Variants in C5 observed in about 807,000 individuals in gnomAD.
C5 encodes C3 and PZP-like alpha-2-macroglobulin domain-containing protein 4.
In C5, 140 loss-of-function variants were observed where a neutral mutation model predicts 218.8. That is an observed-to-expected ratio of 0.64 (90% CI 0.56 to 0.74). C5 has a LOEUF of 0.74. C5 is among the 30% of genes least tolerant of loss of function. The pLI, the probability that C5 is intolerant of heterozygous loss-of-function variation, is 0.00. For synonymous variants in C5, 614 were observed against 682.3 expected (o/e 0.90, Z 1.56); for missense variants, 1,700 against 1,969.6 (o/e 0.86, Z 2.59).
chr9:121,024,010 C>T (rs867256557), intron 9 of C5, among the ~76,000 whole-genome samples: 2 of 150,530 alleles, frequency 1.3e-5, no homozygotes, highest in African/African-American at 4.9e-5. Context: ...GAGTTCGAGA[C>T]CAGCCGGGCC....
intron 22 of C5, among the ~76,000 whole-genome samples, chr9:120,993,931 A>G (rs140140274): frequency 6.6e-6 from 1 of 152,288 alleles, no homozygotes; most frequent in Non-Finnish European, 1.5e-5. Flanking sequence ...GAAAAAATAA[A>G]ACGAGAGGGG....
chr9:121,006,982 A>AAC lies in C5; in HGVS notation c.2349-6_2349-5insGT. 6.2e-7 allele frequency: 1 copy of AAC among 1,603,092 alleles called. No individual in the cohort carries two copies. Among genetic ancestry groups the AAC allele is most frequent in the Non-Finnish European group, 8.5e-7 (1 of 1,169,968 alleles). ...AGGGCAAACTGCAACTGTTTTCTGG[A>AAC]AGTTAAAATGTTGATATTCAAATAC... On this transcript the variant is annotated splice_polypyrimidine_tract_variant and splice_region_variant and intron_variant, in intron 18 of 40. Transcript: ENST00000223642.
intron 4 of C5, among the ~76,000 whole-genome samples, chr9:121,035,936 G>A (rs568766572): frequency 6.6e-6 from 1 of 151,974 alleles, no homozygotes; most frequent in African/African-American, 2.4e-5. Context: ...TGTAGTCCTA[G>A]CTACTCAGGA....
chr9:121,027,839 C>G (rs911679116), intron 7 of C5, among the ~76,000 whole-genome samples: 19 of 152,224 alleles, frequency 1.2e-4, no homozygotes, highest in African/African-American at 4.3e-4. Context: ...CCAAAATTGA[C>G]AAATGGGATC....
chr9:120,976,930 T>A, intron 28 of C5, 25 bp from the exon 29 acceptor site: 2 of 1,569,382 alleles, frequency 1.3e-6, no homozygotes, highest in Non-Finnish European at 1.8e-6. Context: ...ATTCCATTCA[T>A]TAATATGATT....
At chr9:121,023,998 G>T (rs1187164813) in intron 9 of C5, among the ~76,000 whole-genome samples, 1 of 150,704 alleles carries the variant, frequency 6.6e-6, no homozygotes, top group Non-Finnish European at 1.5e-5. Context: ...AACCCTGAAA[G>T]GGAGTTCGAG....
In C5 at chr9:121,006,069, A is replaced by C; in HGVS notation, c.2423-11T>G. ...CAGCAACACATATACCTTCAGCCCA[A>C]AGTGGAAGCAAAGTAGAATCATATT... On this transcript the variant is annotated splice_polypyrimidine_tract_variant and intron_variant, in intron 19 of 40. Coordinates refer to ENST00000223642, the MANE Select transcript of C5 (RefSeq NM_001735.3). 6.2e-7 allele frequency: 1 copy of C among 1,613,278 alleles called. No homozygotes were observed. The highest frequency in any genetic ancestry group is 1.1e-5 in the South Asian group (1 of 91,046).
chr9:120,987,366 C>G (rs1344462539), intron 25 of C5, among the ~76,000 whole-genome samples: 1 of 151,966 alleles, frequency 6.6e-6, no homozygotes, highest in Non-Finnish European at 1.5e-5. Context: ...AAAAACTGGC[C>G]AGGCGCAGTG....
At chr9:121,041,181 T>G (rs2047575929) in intron 3 of C5, among the ~76,000 whole-genome samples, 1 of 150,760 alleles carries the variant, frequency 6.6e-6, no homozygotes, top group Non-Finnish European at 1.5e-5. Context: ...TGACCTCAAG[T>G]GATCCACCCG....
intron 4 of C5, 59 bp downstream of exon 4, chr9:121,037,822 A>G: frequency 1.3e-6 from 1 of 773,370 alleles, no homozygotes; most frequent in South Asian, 1.7e-5. Flanking sequence ...GGGTTATGAA[A>G]TGAGATTCTT....
intron 6 of C5, among the ~76,000 whole-genome samples, chr9:121,031,364 G>A (rs1177257556): frequency 1.3e-5 from 2 of 152,142 alleles, no homozygotes; most frequent in Non-Finnish European, 2.9e-5. Flanking sequence ...TGGACTAGGG[G>A]TAAGGAAACC....
At chr9:121,031,832 G>A (rs575582848) in intron 6 of C5, among the ~76,000 whole-genome samples, 6 of 152,196 alleles carry the variant, frequency 3.9e-5, no homozygotes, top group Non-Finnish European at 8.8e-5. Flanking sequence ...TTGGGAGGCC[G>A]AGGTGGGTGG....
the C5 span, among the ~76,000 whole-genome samples, chr9:121,061,754 A>C: frequency 3.9e-5 from 6 of 152,234 alleles, no homozygotes; most frequent in East Asian, 1.2e-3. Flanking sequence ...CCAAAATTAC[A>C]CCATTTGTAT....
intron 25 of C5, among the ~76,000 whole-genome samples, chr9:120,985,958 G>A (rs766284924): frequency 2.2e-4 from 33 of 152,146 alleles, no homozygotes; most frequent in Non-Finnish European, 1.5e-4. Flanking sequence ...TAGATGGCCC[G>A]TTACTCAAGA....
At chr9:120,976,585 A>G (rs2046954648) in intron 29 of C5, 115 bp downstream of exon 29, 5 of 848,284 alleles carry the variant, frequency 5.9e-6, no homozygotes. Flanking sequence ...TCTAGGCATT[A>G]TTCATATCTA....
chr9:121,001,119 C>T (rs1049881232), intron 20 of C5, among the ~76,000 whole-genome samples: 1 of 152,114 alleles, frequency 6.6e-6, no homozygotes, highest in Non-Finnish European at 1.5e-5. Flanking sequence ...ATTTATAGCT[C>T]TAACATACAA....
At chr9:121,002,345 C>CACATATATAT (rs1554722023) in intron 20 of C5, among the ~76,000 whole-genome samples, 1 of 96,736 alleles carries the variant, frequency 1.0e-5, no homozygotes, top group Non-Finnish European at 2.0e-5. Context: ...TATATATACA[C>CACATATATAT]ACATACCTAC....
chr9:121,017,064 A>AG (rs2047313457), intron 14 of C5, among the ~76,000 whole-genome samples: 1 of 152,184 alleles, frequency 6.6e-6, no homozygotes, highest in African/African-American at 2.4e-5. Context: ...TAGCTACTAT[A>AG]ACTGCCATCA....
chr9:121,009,901 C>T (rs905937572), intron 17 of C5, among the ~76,000 whole-genome samples: 20 of 152,214 alleles, frequency 1.3e-4, no homozygotes, highest in African/African-American at 3.9e-4. Flanking sequence ...TGCACTGTCA[C>T]GGTGGAAAGC....
Sources: gnomAD v4.1 joint callset for allele counts (sites outside exome capture counted in the v4.1 genomes callset) on GRCh38, gnomAD v4.1.1 for gene constraint, MANE v1.5 for transcripts, NCBI Gene and HGNC (gene_info 2026-07-23, HGNC 2026-07-21) for gene names.